Variants in SMC6 observed in about 807,000 individuals in gnomAD.
SMC6 encodes the protein structural maintenance of chromosomes 6.
Under a neutral mutation model 142.2 loss-of-function variants are expected in SMC6, and 79 were observed. The observed-to-expected ratio is 0.56, with a 90% CI of 0.46 to 0.67. SMC6 has a LOEUF of 0.67. Ranked by LOEUF, SMC6 falls within the 30% of genes least tolerant of loss-of-function variation. The pLI is 0.00. For synonymous variants in SMC6, 411 were observed against 412.4 expected (o/e 1.00, Z 0.04); for missense variants, 1,072 against 1,284.0 (o/e 0.83, Z 2.52).
At chr2:17,744,440 TATTCA>T (rs1670633858) in intron 3 of SMC6, among the ~76,000 whole-genome samples, 1 of 152,234 alleles carries the variant, frequency 6.6e-6, no homozygotes, top group African/African-American at 2.4e-5. Context: ...TGAATGTATT[TATTCA>T]TTTTAAGAGT....
chr2:17,752,904 A>G (rs796367077), intron 2 of SMC6, 74 bp downstream of exon 2: 26 of 394,498 alleles, frequency 6.6e-5, no homozygotes, highest in Non-Finnish European at 7.9e-5. Flanking sequence ...ATGCAGAGTA[A>G]TAAGCGCTCA....
chr2:17,736,537 A>C (rs1670161143), intron 5 of SMC6, among the ~76,000 whole-genome samples: 1 of 152,146 alleles, frequency 6.6e-6, no homozygotes, highest in South Asian at 2.1e-4. Context: ...CTGGCCAAGT[A>C]GACTGGGTGA....
intron 9 of SMC6, among the ~76,000 whole-genome samples, chr2:17,724,292 AAAAT>A (rs1304713909): frequency 2.0e-5 from 3 of 152,330 alleles, no homozygotes; most frequent in Middle Eastern, 3.4e-3. Context: ...GTGGGAAATA[AAAAT>A]AAATATACTC....
intron 2 of SMC6, among the ~76,000 whole-genome samples, chr2:17,751,892 C>A (rs1370674209): frequency 1.3e-5 from 2 of 152,152 alleles, no homozygotes; most frequent in Non-Finnish European, 2.9e-5. Context: ...CTAAAAATGA[C>A]AGTCAAGATT....
intron 16 of SMC6, chr2:17,713,632 C>A: frequency 2.4e-6 from 1 of 416,638 alleles, no homozygotes; most frequent in South Asian, 1.8e-5. Flanking sequence ...CTGATGGCAT[C>A]CTTCAGCTAG....
Position 17,753,658 on chromosome 2 carries a change from G to C in SMC6, c.-125C>G, listed in dbSNP as rs1179855623. 1 of 152,244 alleles carries C rather than the reference G, an allele frequency of 6.6e-6. No homozygotes were observed. Among genetic ancestry groups the C allele is most frequent in the Non-Finnish European group, 1.5e-5 (1 of 68,038 alleles). The allele number at this position is 152,244 out of a possible 1,614,324, so 9.4% of individuals were successfully genotyped here. A position where few individuals can be genotyped will look rare whatever the true frequency, so the allele number is the denominator to read the frequency against. ...AAGTCGAAGTCTCCCAAAGGAACCT[G>C]ATCGGCGGGGCTGCCGTGGTACGAC... On this transcript the variant is annotated 5_prime_UTR_variant, in exon 1 of 28. The change creates a new upstream start codon in the 5' untranslated region. Transcript: ENST00000448223.
At position 17,745,810 on chromosome 2, in the gene SMC6, T is replaced by C. The variant is rs1374112852; in HGVS notation, c.120+17A>G. 12 of 1,589,492 alleles carry C rather than the reference T, an allele frequency of 7.5e-6. No individual in the cohort carries two copies. The highest frequency in any genetic ancestry group is 3.4e-4 in the Middle Eastern group (2 of 5,938). On this transcript the variant is annotated intron_variant, in intron 3 of 27. Coordinates refer to ENST00000448223, the MANE Select transcript of SMC6 (RefSeq NM_001142286.2). ...AAAAACATATCAAAAAGCATAATTT[T>C]GTAATTTTTCGCTTACCAAAGTAGT... is the stretch of plus-strand genomic sequence containing the variant.
At position 17,725,342 on chromosome 2, in the gene SMC6, G is replaced by T; in HGVS notation, c.641C>A (p.Thr214Lys). The T allele has an allele frequency of 1.3e-6, 2 of 1,598,086 alleles. No individual in the cohort carries two copies. The highest frequency in any genetic ancestry group is 1.7e-6 in the Non-Finnish European group (2 of 1,175,550). ...GDKYKFFMKA[T>K]QLEQMKEDYS... is the part of the protein sequence containing the mutation. Reference sequence around the variant, plus strand: ...ATCTTCCTTCATCTGTTCAAGTTGCGTTGCTTTCATGAAGAACTATTATCA... The same window carrying T: ...ATCTTCCTTCATCTGTTCAAGTTGCTTTGCTTTCATGAAGAACTATTATCA... Residue 214 changes from threonine (T) to lysine (K), a missense_variant, in exon 9 of 28, where the codon ACG becomes AAG. This residue lies in a region of SMC6 where 994 missense variants were observed against 1,153.2 expected (regional missense o/e 0.86). Coordinates refer to ENST00000448223, the MANE Select transcript of SMC6 (RefSeq NM_001142286.2).
intron 9 of SMC6, among the ~76,000 whole-genome samples, chr2:17,723,536 G>A (rs565766515): frequency 6.6e-6 from 1 of 152,022 alleles, no homozygotes; most frequent in African/African-American, 2.4e-5. Context: ...ATCCTTCCTT[G>A]CTTTCACCAT....
chr2:17,725,392 A>T, intron 8 of SMC6, 34 bp from the exon 9 acceptor site: 1 of 1,473,088 alleles, frequency 6.8e-7, no homozygotes, highest in South Asian at 1.3e-5. Context: ...CGCAATTAGG[A>T]GTTTGTAAAC....
chr2:17,745,096 A>G (rs919264262), intron 3 of SMC6, among the ~76,000 whole-genome samples: 2 of 152,198 alleles, frequency 1.3e-5, no homozygotes, highest in Admixed American at 6.5e-5. Flanking sequence ...TAACAACTAC[A>G]TTGCTGAATT....
At chr2:17,714,439 G>A (rs1204061120) in intron 16 of SMC6, among the ~76,000 whole-genome samples, 1 of 152,170 alleles carries the variant, frequency 6.6e-6, no homozygotes, top group Non-Finnish European at 1.5e-5. Context: ...AAAGAAGCCA[G>A]TTTGGGTACT....
chr2:17,726,488 C>T lies in SMC6; in HGVS notation c.544-19G>A. Reference sequence around the variant, plus strand: ...TATCCACCTCAAACAAACAAAAAGTCATTTTTGAATATTTTACTTTAATGC... The same window carrying T: ...TATCCACCTCAAACAAACAAAAAGTTATTTTTGAATATTTTACTTTAATGC... On this transcript the variant is annotated intron_variant, in intron 7 of 27. Transcript: ENST00000448223. 7.5e-6 allele frequency: 12 copies of T among 1,592,508 alleles called. No homozygotes were observed. Among genetic ancestry groups the T allele is most frequent in the Non-Finnish European group, 1.0e-5 (12 of 1,167,894 alleles).
At position 17,741,598 on chromosome 2, in the gene SMC6, G is replaced by A. The variant is rs2278174; in HGVS notation, c.238+14C>T. 6.4e-7 allele frequency: 1 copy of A among 1,557,594 alleles called. No individual in the cohort carries two copies. The highest frequency in any genetic ancestry group is 8.8e-7 in the Non-Finnish European group (1 of 1,137,776). ...TACTGCTCAAAGTCAAACGAGAAGGGAAAAAACACTTACTTCCATTGTTGC... is the reference window on the plus strand; with the variant it reads ...TACTGCTCAAAGTCAAACGAGAAGGAAAAAAACACTTACTTCCATTGTTGC... On this transcript the variant is annotated intron_variant, in intron 4 of 27. Transcript: ENST00000448223.
At chr2:17,712,830 TAGA>T in intron 16 of SMC6, among the ~76,000 whole-genome samples, 1 of 152,360 alleles carries the variant, frequency 6.6e-6, no homozygotes, top group Admixed American at 6.5e-5. Context: ...AACAGAATGT[TAGA>T]CATACTCAAG....
intron 2 of SMC6, 132 bp from the exon 3 acceptor site, chr2:17,746,083 A>G (rs1347164358): frequency 2.1e-6 from 2 of 945,348 alleles, no homozygotes; most frequent in African/African-American, 3.4e-5. Flanking sequence ...AAATTAAAGT[A>G]AATTAGTCTT....
rs1667986490 is a variant in SMC6, at chr2:17,696,360, T to G, written c.2461A>C (p.Lys821Gln). The G allele has an allele frequency of 2.5e-6, 4 of 1,611,792 alleles. No individual in the cohort carries two copies. The highest frequency in any genetic ancestry group is 4.5e-5 in the East Asian group (2 of 44,774). The part of the protein sequence containing the change: ...QKRGKRHYEE[K>Q]QKEHLDTLNK... ...AAGGTATCCAAGTGTTCTTTTTGTTTTTCTTCATAATGTCGTTTCCCTCGT... is the reference window on the plus strand; with the variant it reads ...AAGGTATCCAAGTGTTCTTTTTGTTGTTCTTCATAATGTCGTTTCCCTCGT... The change falls in exon 22 of 28, where the codon AAA becomes CAA. Residue 821 changes from lysine (K) to glutamine (Q), a missense_variant. Around this residue, in one of 3 missense-constraint regions of SMC6, gnomAD observed 994 missense variants for 1,153.2 expected, o/e 0.86. Coordinates refer to ENST00000448223, the MANE Select transcript of SMC6 (RefSeq NM_001142286.2).
chr2:17,705,542 T>C (rs559650406), intron 18 of SMC6, among the ~76,000 whole-genome samples: 143 of 152,228 alleles, frequency 9.4e-4, no homozygotes, highest in African/African-American at 3.0e-3. Context: ...CACTCTAGCC[T>C]AGGTGACAGA....
chr2:17,729,095 G>A (rs1669778229), intron 7 of SMC6, among the ~76,000 whole-genome samples: 1 of 152,066 alleles, frequency 6.6e-6, no homozygotes, highest in South Asian at 2.1e-4. Flanking sequence ...TAAAAATATA[G>A]AGAAATAGGT....
Sources: allele counts gnomAD v4.1 joint callset (sites outside exome capture counted in the v4.1 genomes callset), GRCh38; gene constraint gnomAD v4.1.1; regional missense constraint gnomAD v4.1.1; transcripts MANE v1.5; gene names NCBI Gene and HGNC (gene_info 2026-07-23, HGNC 2026-07-21).